The following GTF2I variants were observed in gnomAD, a reference collection of about 807,000 sequenced individuals.
The protein encoded by GTF2I is general transcription factor II-I.
In GTF2I, 12 loss-of-function variants were observed where a neutral mutation model predicts 67.6. The observed-to-expected ratio is 0.18, with a 90% CI of 0.11 to 0.29. The LOEUF is 0.29. Among genes scored for constraint, GTF2I ranks in the 10% least tolerant of loss-of-function variants. GTF2I has a pLI of 1.00. For missense variants in GTF2I, 271 were observed against 580.1 expected (o/e 0.47, Z 5.47); for synonymous variants, 149 against 197.0 (o/e 0.76, Z 2.04).
At chr7:74,662,212 T>C (rs1409752346) in intron 1 of GTF2I, among the ~76,000 whole-genome samples, 4 of 22,066 alleles carry the variant, frequency 1.8e-4, no homozygotes, top group Non-Finnish European at 1.6e-4. Flanking sequence ...TTCTTTTTTT[T>C]TTTTTTTTTT....
intron 1 of GTF2I, among the ~76,000 whole-genome samples, chr7:74,685,467 A>C (rs1554395197): frequency 6.6e-6 from 1 of 152,142 alleles, no homozygotes; most frequent in Non-Finnish European, 1.5e-5. Context: ...ATTGCACTTC[A>C]GCCTGGGCAA....
chr7:74,669,228 T>G (rs1195610776), intron 1 of GTF2I, among the ~76,000 whole-genome samples: 1 of 139,908 alleles, frequency 7.1e-6, no homozygotes, highest in Middle Eastern at 3.2e-3. Context: ...AGTTTAGTTT[T>G]TTTTTTTTTT....
intron 16 of GTF2I, 152 bp from the exon 17 acceptor site, chr7:74,735,309 G>A: frequency 1.4e-5 from 1 of 71,562 alleles, no homozygotes; most frequent in Non-Finnish European, 2.4e-5. Context: ...GATTACAGGT[G>A]TGAGCCATTG....
intron 8 of GTF2I, among the ~76,000 whole-genome samples, chr7:74,707,642 G>T (rs1250272945): frequency 6.6e-6 from 1 of 152,096 alleles, no homozygotes; most frequent in African/African-American, 2.4e-5. Context: ...TTTACAGAAG[G>T]TTTTTCTTTT....
chr7:74,681,395 A>G (rs587638068), intron 1 of GTF2I, among the ~76,000 whole-genome samples: 12 of 152,218 alleles, frequency 7.9e-5, no homozygotes, highest in African/African-American at 2.6e-4. Flanking sequence ...AGATCGTGCC[A>G]TTGCACTCTA....
At chr7:74,673,675 G>A (rs919052521) in intron 1 of GTF2I, among the ~76,000 whole-genome samples, 9 of 149,612 alleles carry the variant, frequency 6.0e-5, no homozygotes, top group African/African-American at 2.0e-4. Flanking sequence ...CACCACGCCC[G>A]GCCTCTTTTT....
chr7:74,676,826 C>T (rs756562370), intron 1 of GTF2I, among the ~76,000 whole-genome samples: 11 of 152,052 alleles, frequency 7.2e-5, no homozygotes, highest in African/African-American at 2.7e-4. Context: ...GAGGCTGAGG[C>T]GGGCAAATCA....
At chr7:74,727,443 A>G (rs1367967957) in intron 12 of GTF2I, 1 of 152,216 alleles carries the variant, frequency 6.6e-6, no homozygotes, top group African/African-American at 2.4e-5. Flanking sequence ...AGTTACACAC[A>G]CACAGTCTGA....
chr7:74,707,573 A>C (rs1460570715), intron 8 of GTF2I, among the ~76,000 whole-genome samples: 1 of 152,186 alleles, frequency 6.6e-6, no homozygotes, highest in African/African-American at 2.4e-5. Flanking sequence ...AGCTGCAAGA[A>C]AGTGTTGAAT....
chr7:74,716,574 T>C (rs1792287925), intron 10 of GTF2I: 1 of 239,636 alleles, frequency 4.2e-6, no homozygotes, highest in East Asian at 8.7e-5. Flanking sequence ...AGCATGGTAC[T>C]TGAAGCATAA....
intron 2 of GTF2I, 61 bp from the exon 3 acceptor site, chr7:74,690,912 G>A (rs187595737): frequency 8.1e-6 from 12 of 1,481,288 alleles, no homozygotes; most frequent in Middle Eastern, 4.6e-4. Context: ...TTAATTCATC[G>A]AGCAGAAATG....
chr7:74,674,162 T>G (rs1584093653), intron 1 of GTF2I, among the ~76,000 whole-genome samples: 1 of 150,452 alleles, frequency 6.6e-6, no homozygotes, highest in East Asian at 2.0e-4. Flanking sequence ...GTCGAACTCC[T>G]AGGCTCAAGT....
chr7:74,732,401 A>G, intron 14 of GTF2I, 78 bp from the exon 15 acceptor site: 1 of 1,288,410 alleles, frequency 7.8e-7, no homozygotes, highest in East Asian at 2.8e-5. Flanking sequence ...GTTAAAGAGC[A>G]CTACAGATTC....
chr7:74,701,014 G>A (rs1789659395), intron 6 of GTF2I, among the ~76,000 whole-genome samples: 1 of 152,234 alleles, frequency 6.6e-6, no homozygotes, highest in African/African-American at 2.4e-5. Context: ...TCTCACGGAA[G>A]AGAGAAAATT....
At chr7:74,711,989 G>T (rs1791605484) in intron 9 of GTF2I, among the ~76,000 whole-genome samples, 1 of 137,244 alleles carries the variant, frequency 7.3e-6, no homozygotes. Flanking sequence ...TCACTCTGTT[G>T]CCCAGGCTGG....
intron 1 of GTF2I, among the ~76,000 whole-genome samples, chr7:74,685,766 T>TA (rs1222422722): frequency 1.1e-4 from 17 of 148,442 alleles, no homozygotes; most frequent in African/African-American, 4.0e-4. Context: ...GACTCCGTCT[T>TA]AAAAAAAGAA....
At chr7:74,672,845 GT>G (rs1554391119) in intron 1 of GTF2I, among the ~76,000 whole-genome samples, 1 of 152,020 alleles carries the variant, frequency 6.6e-6, no homozygotes, top group East Asian at 1.9e-4. Flanking sequence ...TTTTTTGAGA[GT>G]TTATGAGTTT....
At chr7:74,698,549 G>A (rs1465139265) in intron 3 of GTF2I, among the ~76,000 whole-genome samples, 1 of 151,862 alleles carries the variant, frequency 6.6e-6, no homozygotes, top group East Asian at 1.9e-4. Context: ...AGACAGCTAG[G>A]ACTGCAGACA....
intron 14 of GTF2I, 114 bp from the exon 15 acceptor site, chr7:74,732,365 C>T (rs1239265471): frequency 8.2e-7 from 1 of 1,218,172 alleles, no homozygotes; most frequent in African/African-American, 1.6e-5. Flanking sequence ...CACAGCAAGA[C>T]TCCATCTCAA....
Sources: allele counts gnomAD v4.1 joint callset (sites outside exome capture counted in the v4.1 genomes callset), GRCh38; gene constraint gnomAD v4.1.1; transcripts MANE v1.5; gene names NCBI Gene and HGNC (gene_info 2026-07-23, HGNC 2026-07-21).